OPCML: variants seen among roughly 807,000 people sequenced by gnomAD.
OPCML encodes opioid binding protein/cell adhesion molecule like, also known as opioid-binding protein/cell adhesion molecule.
In OPCML, 13 loss-of-function variants were observed where a neutral mutation model predicts 37.8. The observed-to-expected ratio is 0.34, with a 90% CI of 0.22 to 0.55. OPCML has a LOEUF of 0.55. Among genes scored for constraint, OPCML ranks in the 20% least tolerant of loss-of-function variants. OPCML has a pLI of 0.91. For synonymous variants in OPCML, 176 were observed against 168.8 expected, an observed-to-expected ratio of 1.04 and a Z score of -0.33; for missense variants, 341 against 435.6, an observed-to-expected ratio of 0.78 and a Z score of 1.93.
chr11:132,628,365 CAA>C (rs904398542), intron 3 of OPCML, among the ~76,000 whole-genome samples: 7 of 151,938 alleles, frequency 4.6e-5, no homozygotes, highest in Admixed American at 1.3e-4. Context: ...TTACTGGCAA[CAA>C]AAAAAATTTG....
intron 2 of OPCML, among the ~76,000 whole-genome samples, chr11:132,834,013 C>A (rs1459072801): frequency 6.6e-6 from 1 of 152,150 alleles, no homozygotes; most frequent in Non-Finnish European, 1.5e-5. Context: ...GGGTGCCCTT[C>A]TTATAGACAA....
chr11:133,206,868 C>T lies in OPCML; in HGVS notation c.62-263858G>A, dbSNP rs1435292084. On this transcript the variant is annotated intron_variant, in intron 1 of 7. Transcript: ENST00000524381. The surrounding 1 kb of genome is among the most constrained non-coding windows in gnomAD (Gnocchi z 4.7). ...CACAGCTACGGTGACCTATTCATGT[C>T]TTAGGACGGGTAGGTGGAGGGAGCC... 6.6e-6 allele frequency among the ~76,000 whole-genome samples: 1 copy of T among 152,182 alleles called. No homozygotes were observed. The highest frequency in any genetic ancestry group is 1.5e-5 in the Non-Finnish European group (1 of 68,030).
chr11:133,099,442 CTTT>C (rs35161811), intron 1 of OPCML, among the ~76,000 whole-genome samples: 59 of 119,456 alleles, frequency 4.9e-4, no homozygotes, highest in African/African-American at 1.7e-3. Context: ...TTCTTTTTTT[CTTT>C]TTTTTTTTTT....
intron 1 of OPCML, among the ~76,000 whole-genome samples, chr11:133,518,985 C>A (rs1318536160): frequency 6.6e-6 from 1 of 152,114 alleles, no homozygotes; most frequent in Non-Finnish European, 1.5e-5. Flanking sequence ...CTGAAAGCCT[C>A]TCTCCTCCTC....
intron 1 of OPCML, among the ~76,000 whole-genome samples, chr11:133,325,440 A>AT (rs1269159831): frequency 6.6e-6 from 1 of 152,170 alleles, no homozygotes; most frequent in East Asian, 1.9e-4. Flanking sequence ...ACCTTTTGTC[A>AT]TTTTACTCCA....
At chr11:132,920,360 C>T (rs1193613707) in intron 2 of OPCML, among the ~76,000 whole-genome samples, 1 of 152,206 alleles carries the variant, frequency 6.6e-6, no homozygotes, top group Non-Finnish European at 1.5e-5. Flanking sequence ...CAGCTTCCTT[C>T]CTCAGGCTCC....
At chr11:132,973,605 A>T (rs1402627995) in intron 1 of OPCML, among the ~76,000 whole-genome samples, 1 of 152,220 alleles carries the variant, frequency 6.6e-6, no homozygotes, top group Non-Finnish European at 1.5e-5. Context: ...CTGAGTCTAC[A>T]GCTGAGAAGT....
chr11:132,854,100 C>T (rs1388706180), intron 2 of OPCML, among the ~76,000 whole-genome samples: 2 of 152,228 alleles, frequency 1.3e-5, no homozygotes, highest in African/African-American at 2.4e-5. Flanking sequence ...GGAATTACCA[C>T]AATCCCCTTG....
At position 133,192,818 on chromosome 11, in the gene OPCML, T is replaced by A. The variant is rs144239635; in HGVS notation, c.62-249808A>T. 9.6e-3 allele frequency among the ~76,000 whole-genome samples: 1,458 copies of A among 152,256 alleles called. 28 individuals carry two copies. Among genetic ancestry groups the A allele is most frequent in the African/African-American group, 0.033 (1,377 of 41,544 alleles). On this transcript the variant is annotated intron_variant, in intron 1 of 7. Transcript: ENST00000524381. ...ATTTTAGTTGTGGTTGCTATAATTA[T>A]CTGGTAACCTCCAATCAACAGCATT...
At chr11:133,319,441 T>C (rs1943279172) in intron 1 of OPCML, among the ~76,000 whole-genome samples, 3 of 152,166 alleles carry the variant, frequency 2.0e-5, no homozygotes, top group Admixed American at 6.5e-5. Flanking sequence ...TCAAATTCTT[T>C]GTTCAAATTC....
intron 1 of OPCML, among the ~76,000 whole-genome samples, chr11:133,341,853 G>T (rs1943876680): frequency 6.6e-6 from 1 of 152,110 alleles, no homozygotes; most frequent in Non-Finnish European, 1.5e-5. Flanking sequence ...GGGAGGTGGA[G>T]GTTGCAGTGA....
chr11:132,536,922 T>C (rs1448170922), intron 3 of OPCML, among the ~76,000 whole-genome samples: 1 of 152,204 alleles, frequency 6.6e-6, no homozygotes, highest in Non-Finnish European at 1.5e-5. Flanking sequence ...TATGTGCACT[T>C]GTGTGCTCAT....
intron 1 of OPCML, among the ~76,000 whole-genome samples, chr11:133,453,977 G>A (rs1946627687): frequency 6.6e-6 from 1 of 152,180 alleles, no homozygotes; most frequent in South Asian, 2.1e-4. Context: ...TAGAATTTCT[G>A]TCTGCTGTAG....
intron 1 of OPCML, among the ~76,000 whole-genome samples, chr11:132,950,434 A>T (rs926993444): frequency 1.3e-5 from 2 of 152,206 alleles, no homozygotes; most frequent in African/African-American, 4.8e-5. Flanking sequence ...ACCTGTAATG[A>T]GGATGATGCC....
At chr11:133,321,929 T>C (rs1485161852) in intron 1 of OPCML, among the ~76,000 whole-genome samples, 1 of 152,122 alleles carries the variant, frequency 6.6e-6, no homozygotes, top group Non-Finnish European at 1.5e-5. Context: ...TTGAAAAGCA[T>C]ATAATATCCG....
intron 1 of OPCML, among the ~76,000 whole-genome samples, chr11:133,277,810 C>T (rs948203): frequency 0.54 from 82,141 of 151,592 alleles, 23,046 homozygotes; most frequent in East Asian, 0.91. Flanking sequence ...ATGTATGTAA[C>T]ATAAGTACTT....
intron 1 of OPCML, among the ~76,000 whole-genome samples, chr11:132,989,314 C>A (rs1278770419): frequency 6.6e-6 from 1 of 152,006 alleles, no homozygotes; most frequent in Non-Finnish European, 1.5e-5. Context: ...CGCAAATGAA[C>A]CACAGCACTA....
chr11:133,140,522 T>TAAGAAG (rs1296215663), intron 1 of OPCML, among the ~76,000 whole-genome samples: 31 of 59,454 alleles, frequency 5.2e-4, no homozygotes, highest in East Asian at 3.1e-3. Flanking sequence ...AAAATAATAA[T>TAAGAAG]AATAATAATA....
At chr11:132,618,684 T>C (rs1047141962) in intron 3 of OPCML, among the ~76,000 whole-genome samples, 6 of 152,180 alleles carry the variant, frequency 3.9e-5, no homozygotes, top group Admixed American at 6.5e-5. Context: ...ATATACATAA[T>C]ATAAAATTTG....
Sources: allele counts gnomAD v4.1 joint callset (sites outside exome capture counted in the v4.1 genomes callset), GRCh38; gene constraint gnomAD v4.1.1; non-coding constraint Gnocchi (gnomAD v3.1); transcripts MANE v1.5; gene names NCBI Gene and HGNC (gene_info 2026-07-23, HGNC 2026-07-21).